The following VAT1L variants were observed in gnomAD, a reference collection of about 807,000 sequenced individuals.
The protein encoded by VAT1L is putative NADPH-dependent quinone oxidoreductase VAT1L.
In VAT1L, 34 loss-of-function variants were observed where a neutral mutation model predicts 44.1. The observed-to-expected ratio is 0.77, with a 90% CI of 0.59 to 1.03. VAT1L has a LOEUF of 1.03. Among genes scored for constraint, VAT1L ranks in the 50% least tolerant of loss-of-function variants. The probability of loss-of-function intolerance (pLI) is 0.00; values close to 1 mark genes in which losing one functional copy is unlikely to be tolerated. For synonymous variants in VAT1L, 253 were observed against 202.2 expected (o/e 1.25, Z -2.13); for missense variants, 615 against 538.8 (o/e 1.14, Z -1.40).
chr16:77,975,152 C>G (rs1232468601), intron 8 of VAT1L, among the ~76,000 whole-genome samples: 1 of 134,834 alleles, frequency 7.4e-6, no homozygotes, highest in African/African-American at 2.8e-5. Context: ...GAGGAGGGGA[C>G]AGAGGCGCCT....
intron 3 of VAT1L, among the ~76,000 whole-genome samples, chr16:77,861,935 C>G (rs373341148): frequency 1.6e-4 from 24 of 152,228 alleles, no homozygotes; most frequent in African/African-American, 5.8e-4. Context: ...TGGCTGCCTT[C>G]TTTTACTGTC....
At chr16:77,820,155 C>G (rs1396856536) in intron 2 of VAT1L, among the ~76,000 whole-genome samples, 2 of 152,280 alleles carry the variant, frequency 1.3e-5, no homozygotes, top group East Asian at 1.9e-4. Flanking sequence ...ATCAGACTAT[C>G]TGAGGCCATT....
chr16:77,904,906 C>G (rs1333000125), intron 7 of VAT1L, among the ~76,000 whole-genome samples: 1 of 152,084 alleles, frequency 6.6e-6, no homozygotes, highest in East Asian at 1.9e-4. Flanking sequence ...TCATTTAACA[C>G]CTACTATTTA....
At chr16:77,807,561 C>A (rs546337875) in intron 1 of VAT1L, among the ~76,000 whole-genome samples, 2 of 152,176 alleles carry the variant, frequency 1.3e-5, no homozygotes, top group African/African-American at 4.8e-5. Flanking sequence ...TCCTGCCCAT[C>A]TAGGAGTTGT....
At chr16:77,813,944 G>T (rs1415065342) in intron 1 of VAT1L, among the ~76,000 whole-genome samples, 1 of 152,194 alleles carries the variant, frequency 6.6e-6, no homozygotes, top group Non-Finnish European at 1.5e-5. Flanking sequence ...GGGGCATAGA[G>T]AAGTTCCCCT....
intron 7 of VAT1L, among the ~76,000 whole-genome samples, chr16:77,959,146 T>C (rs1461251750): frequency 6.6e-6 from 1 of 152,152 alleles, no homozygotes; most frequent in Non-Finnish European, 1.5e-5. Flanking sequence ...CCCTCATCTA[T>C]TCCCCACATT....
rs116850898 is a variant in VAT1L at position 77,976,575 on chromosome 16, G to T, written c.1162-1022G>T. On this transcript the variant is annotated intron_variant, in intron 8 of 8. Coordinates refer to ENST00000302536, the MANE Select transcript of VAT1L (RefSeq NM_020927.3). ...AGGACTCAAGTGTGGGAGATCTGGG[G>T]CCCAATCTAGATCAGGGGATAAGAA... Among the ~76,000 whole-genome samples, 332 of 152,264 alleles carry T rather than the reference G, an allele frequency of 2.2e-3. 6 individuals carry two copies. The South Asian group carries it at 0.057, about 26-fold the overall frequency.
rs1450955874 is a variant in VAT1L at position 77,884,856 on chromosome 16, G to A, written c.1077+54G>A. The stretch of plus-strand genomic sequence containing the variant: ...AAACTCCTCTTTTTAACTCAGGAAG[G>A]TTTGGGCAGCCAAATACAATCTTCT... On this transcript the variant is annotated intron_variant, in intron 7 of 8. Transcript: ENST00000302536. The surrounding 1 kb of genome is among the most constrained non-coding windows in gnomAD (Gnocchi z 4.5). 1 of 1,418,650 alleles carries A rather than the reference G, an allele frequency of 7.0e-7. No individual in the cohort carries two copies. Among genetic ancestry groups the A allele is most frequent in the Non-Finnish European group, 9.2e-7 (1 of 1,083,576 alleles). The allele number at this position is 1,418,650 out of a possible 1,614,324, so 87.9% of individuals were successfully genotyped here.
chr16:77,937,318 T>A (rs1404979471), intron 7 of VAT1L, among the ~76,000 whole-genome samples: 1 of 152,180 alleles, frequency 6.6e-6, no homozygotes, highest in East Asian at 1.9e-4. Context: ...CCAGAGACCT[T>A]CAGGATCCAG....
intron 1 of VAT1L, among the ~76,000 whole-genome samples, chr16:77,791,932 G>A (rs1020817075): frequency 7.2e-5 from 11 of 152,202 alleles, no homozygotes; most frequent in South Asian, 2.1e-4. Flanking sequence ...AATACTTTAC[G>A]CAACAAGAGG....
intron 7 of VAT1L, among the ~76,000 whole-genome samples, chr16:77,924,259 C>T (rs1031139163): frequency 2.6e-5 from 4 of 152,144 alleles, no homozygotes; most frequent in Non-Finnish European, 4.4e-5. Context: ...TTCCTCATGA[C>T]TGCAGGCAGG....
In VAT1L at chr16:77,880,591, ATTTTT is replaced by A. The variant is rs55995217; in HGVS notation, c.882+1385_882+1389del. On this transcript the variant is annotated intron_variant, in intron 6 of 8. Transcript: ENST00000302536. ...TTTTTTTCTTCGCACGTTCCAGGGT[ATTTTT>A]TTTTTTTTTTTTTTTTTAGTAATTT... 3.1e-4 allele frequency among the ~76,000 whole-genome samples: 17 copies of A among 54,270 alleles called. No homozygotes were observed. The South Asian group carries it at 0.015, about 48-fold the overall frequency. The allele number at this position is 54,270 out of a possible 152,430, so 35.6% of individuals were successfully genotyped here. A position where few individuals can be genotyped will look rare whatever the true frequency, so the allele number is the denominator to read the frequency against.
intron 1 of VAT1L, among the ~76,000 whole-genome samples, chr16:77,798,213 A>G (rs1384084881): frequency 1.3e-5 from 2 of 152,232 alleles, no homozygotes; most frequent in South Asian, 2.1e-4. Context: ...CAGGATAATT[A>G]TCTTCTGAGC....
chr16:77,873,881 C>G (rs1009676748), intron 4 of VAT1L, among the ~76,000 whole-genome samples: 1 of 152,090 alleles, frequency 6.6e-6, no homozygotes, highest in Non-Finnish European at 1.5e-5. Context: ...TAGGGACAAT[C>G]AAAAGGCCAA....
chr16:77,964,904 C>A (rs1232442953), intron 7 of VAT1L, among the ~76,000 whole-genome samples: 2 of 150,682 alleles, frequency 1.3e-5, no homozygotes, highest in South Asian at 2.1e-4. Flanking sequence ...AGCAATTCTG[C>A]CTCAGCCTCC....
intron 7 of VAT1L, among the ~76,000 whole-genome samples, chr16:77,909,191 T>C (rs987786977): frequency 6.6e-6 from 1 of 152,214 alleles, no homozygotes; most frequent in Non-Finnish European, 1.5e-5. Context: ...AGGAGTAAAG[T>C]CGCTTGCCTG....
intron 7 of VAT1L, among the ~76,000 whole-genome samples, chr16:77,904,132 G>A (rs1457485270): frequency 1.3e-5 from 2 of 149,724 alleles, no homozygotes; most frequent in South Asian, 4.2e-4. Flanking sequence ...AAAGAGAAAC[G>A]CTTCTGTATT....
chr16:77,870,835 A>T (rs912330746), intron 4 of VAT1L, among the ~76,000 whole-genome samples: 2 of 152,160 alleles, frequency 1.3e-5, no homozygotes, highest in African/African-American at 4.8e-5. Context: ...AATGATGAAG[A>T]TGGTCTTTGT....
At position 77,854,700 on chromosome 16, in the gene VAT1L, A is replaced by G. The variant is rs571274704; in HGVS notation, c.580-8048A>G. ...TGGAAGAAGAAAATCTTACCTCACC[A>G]TCTCCTCCAAGTCTCTTCTCCGAAC... On this transcript the variant is annotated intron_variant, in intron 3 of 8. Transcript: ENST00000302536. Among the ~76,000 whole-genome samples, 50 of 152,304 alleles carry G rather than the reference A, an allele frequency of 3.3e-4. 1 individual carries two copies. In the South Asian group the frequency reaches 0.01, roughly 31 times the overall value.
Sources: allele counts gnomAD v4.1 joint callset (sites outside exome capture counted in the v4.1 genomes callset), GRCh38; gene constraint gnomAD v4.1.1; non-coding constraint Gnocchi (gnomAD v3.1); transcripts MANE v1.5; gene names NCBI Gene and HGNC (gene_info 2026-07-23, HGNC 2026-07-21).